The following SCP2 variants were observed in gnomAD, a reference collection of about 807,000 sequenced individuals.
SCP2 encodes sterol carrier protein 2.
Under a neutral mutation model 71.4 loss-of-function variants are expected in SCP2, and 48 were observed. That is an observed-to-expected ratio of 0.67 (90% CI 0.53 to 0.86). SCP2 has a LOEUF of 0.86. SCP2 is among the 40% of genes least tolerant of loss of function. The pLI, the probability that SCP2 is intolerant of heterozygous loss-of-function variation, is 0.00. For synonymous variants in SCP2, 220 were observed against 218.1 expected (o/e 1.01, Z -0.08); for missense variants, 560 against 655.6 (o/e 0.85, Z 1.59).
intron 13 of SCP2, among the ~76,000 whole-genome samples, chr1:53,032,632 CA>C (rs954637521): frequency 1.3e-5 from 2 of 152,192 alleles, no homozygotes; most frequent in African/African-American, 4.8e-5. Context: ...TAAGAACAGA[CA>C]AATATCCTTC....
chr1:53,014,899 A>G lies in SCP2; in HGVS notation c.1091A>G (p.Gln364Arg). The change falls in exon 12 of 16, where the codon CAG becomes CGG. Residue 364 changes from glutamine (Q) to arginine (R), a missense_variant. Transcript: ENST00000371514. ...GTGTTCGATTTGTTAGGTCTTGCTC[A>G]GTGTGCAGAACTCTGCTGGCAGCTG... Reference protein sequence around the residue: ...GHPLGATGLAQCAELCWQLRG... With the variant: ...GHPLGATGLARCAELCWQLRG... The G allele has an allele frequency of 6.2e-7, 1 of 1,613,144 alleles. No individual in the cohort carries two copies. Among genetic ancestry groups the G allele is most frequent in the South Asian group, 1.1e-5 (1 of 91,030 alleles).
chr1:52,958,391 G>A (rs866668140), intron 5 of SCP2, among the ~76,000 whole-genome samples: 14 of 151,880 alleles, frequency 9.2e-5, no homozygotes, highest in Middle Eastern at 3.4e-3. Flanking sequence ...CCGCCATGCC[G>A]GGCTAATTTG....
chr1:53,007,366 T>C (rs1005665394), intron 11 of SCP2, among the ~76,000 whole-genome samples: 1 of 152,092 alleles, frequency 6.6e-6, no homozygotes, highest in African/African-American at 2.4e-5. Context: ...AAATTGACCA[T>C]GTAGTTGGAA....
At chr1:53,044,557 A>G (rs570274252) in intron 14 of SCP2, among the ~76,000 whole-genome samples, 1 of 152,362 alleles carries the variant, frequency 6.6e-6, no homozygotes, top group South Asian at 2.1e-4. Flanking sequence ...TGAAGTTTTC[A>G]TTCTATTGGA....
rs1347781642 is a variant in SCP2, at chr1:52,961,616, T to C, written c.510T>C (p.His170=). Residue 170 remains histidine (H), a synonymous_variant, in exon 6 of 16, where the codon CAT becomes CAC. Transcript: ENST00000371514. ...TGTTTGGGTATGCTGGAAAAGAACA[T>C]ATGGAAAAATATGGTATGTTACAGT... is the stretch of plus-strand genomic sequence containing the variant. The part of the protein sequence containing the change: ...PQMFGYAGKE[H]MEKYGTKIEH... The C allele has an allele frequency of 1.5e-5, 25 of 1,613,752 alleles. No individual in the cohort carries two copies. The highest frequency in any genetic ancestry group is 2.2e-5 in the East Asian group (1 of 44,832).
intron 1 of SCP2, chr1:52,935,164 G>A (rs2150100708): frequency 6.6e-6 from 1 of 152,154 alleles, no homozygotes; most frequent in Non-Finnish European, 1.5e-5. Context: ...TACTCAGGAG[G>A]CTGAGGCAGG....
At chr1:52,967,375 T>C (rs1379753625) in intron 6 of SCP2, among the ~76,000 whole-genome samples, 1 of 152,128 alleles carries the variant, frequency 6.6e-6, no homozygotes, top group Admixed American at 6.5e-5. Flanking sequence ...GGGGCCAATT[T>C]TGGTAGTCTG....
chr1:52,957,874 C>T (rs915661139), intron 5 of SCP2, among the ~76,000 whole-genome samples: 3 of 151,774 alleles, frequency 2.0e-5, no homozygotes, highest in African/African-American at 7.3e-5. Context: ...TCCAGTTGTC[C>T]CTGCACCATT....
At chr1:53,015,544 C>T (rs1022316443) in intron 12 of SCP2, among the ~76,000 whole-genome samples, 3 of 152,192 alleles carry the variant, frequency 2.0e-5, no homozygotes, top group Non-Finnish European at 4.4e-5. Context: ...CACTCAGGAT[C>T]CCTCAACTCC....
intron 6 of SCP2, among the ~76,000 whole-genome samples, chr1:52,963,464 A>G (rs1656659426): frequency 6.6e-6 from 1 of 152,024 alleles, no homozygotes; most frequent in South Asian, 2.1e-4. Flanking sequence ...TATGTATGTT[A>G]TCTTATTCAG....
intron 11 of SCP2, among the ~76,000 whole-genome samples, chr1:53,014,500 T>G (rs1364448777): frequency 6.6e-6 from 1 of 152,250 alleles, no homozygotes. Flanking sequence ...TGGGAACTAC[T>G]TGGAGGAAAA....
Position 53,050,758 on chromosome 1 carries a change from C to T in SCP2, c.*54C>T. 8.5e-7 allele frequency: 1 copy of T among 1,170,592 alleles called. No homozygotes were observed. The highest frequency in any genetic ancestry group is 1.3e-6 in the Non-Finnish European group (1 of 779,226). The allele number at this position is 1,170,592 out of a possible 1,614,324, so 72.5% of individuals were successfully genotyped here. On this transcript the variant is annotated 3_prime_UTR_variant, in exon 16 of 16. Coordinates refer to ENST00000371514, the MANE Select transcript of SCP2 (RefSeq NM_002979.5). The stretch of plus-strand genomic sequence containing the variant: ...CAAGATGAGATATATAGATATATAT[C>T]CATACATTTTATTGTCAGAATTTAG...
At chr1:53,048,481 G>A (rs1306155184) in intron 15 of SCP2, 1 of 183,556 alleles carries the variant, frequency 5.4e-6, no homozygotes, top group Non-Finnish European at 1.2e-5. Flanking sequence ...CTCTTTCCAA[G>A]TTGCTGGGGA....
chr1:53,038,257 C>T (rs879872090), intron 13 of SCP2, among the ~76,000 whole-genome samples: 14,807 of 151,268 alleles, frequency 0.098, 1,426 homozygotes, highest in African/African-American at 0.21. Flanking sequence ...TGTGTGTACA[C>T]ACACACACAC....
intron 1 of SCP2, among the ~76,000 whole-genome samples, chr1:52,931,942 T>A (rs112846642): frequency 0.035 from 5,244 of 150,732 alleles, 308 homozygotes; most frequent in African/African-American, 0.12. Context: ...AGTGCTATTT[T>A]AAAAAAAAAG....
At chr1:52,939,745 C>CT (rs1395569061) in intron 1 of SCP2, among the ~76,000 whole-genome samples, 2 of 152,168 alleles carry the variant, frequency 1.3e-5, no homozygotes, top group African/African-American at 2.4e-5. Context: ...ATGGCACAAT[C>CT]TTGGCTCACT....
chr1:53,014,794 CT>C (rs1282055564), intron 11 of SCP2, 95 bp from the exon 12 acceptor site: 1 of 1,417,394 alleles, frequency 7.1e-7, no homozygotes, highest in Admixed American at 2.0e-5. Flanking sequence ...GTGGCCTCGG[CT>C]TAATCAAATG....
intron 4 of SCP2, among the ~76,000 whole-genome samples, chr1:52,954,331 AAAC>A (rs199683265): frequency 0.019 from 2,866 of 151,106 alleles, 101 homozygotes; most frequent in African/African-American, 0.065. Flanking sequence ...AAAAGCAAAC[AAAC>A]AACAACAACA....
chr1:52,941,925 GC>G (rs1654287791), intron 2 of SCP2, 72 bp downstream of exon 2: 1 of 1,133,636 alleles, frequency 8.8e-7, no homozygotes, highest in Non-Finnish European at 1.3e-6. Flanking sequence ...CATGGATGGG[GC>G]AGCCTTGCAA....
Sources: allele counts gnomAD v4.1 joint callset (sites outside exome capture counted in the v4.1 genomes callset), GRCh38; gene constraint gnomAD v4.1.1; transcripts MANE v1.5; gene names NCBI Gene and HGNC (gene_info 2026-07-23, HGNC 2026-07-21).